AGBL4: variants seen among roughly 807,000 people sequenced by gnomAD.
The protein encoded by AGBL4 is AGBL carboxypeptidase 4, also known as cytosolic carboxypeptidase 6.
A neutral mutation model predicts 66.4 loss-of-function variants in AGBL4; 58 were observed. The ratio of observed to expected loss-of-function variants is 0.87; its 90% CI spans 0.71 to 1.09. The LOEUF is 1.09. AGBL4 is among the 50% of genes least tolerant of loss of function. The pLI is 0.00. For missense variants in AGBL4, 579 were observed against 631.0 expected (o/e 0.92, Z 0.88); for synonymous variants, 234 against 222.9 (o/e 1.05, Z -0.44).
chr1:49,690,630 T>G (rs1160266700), intron 3 of AGBL4, among the ~76,000 whole-genome samples: 2 of 152,182 alleles, frequency 1.3e-5, no homozygotes, highest in East Asian at 3.8e-4. Flanking sequence ...ATGAATGAAT[T>G]AATATAAAGG....
At chr1:49,274,563 C>A (rs527312714) in intron 3 of AGBL4, among the ~76,000 whole-genome samples, 2 of 152,164 alleles carry the variant, frequency 1.3e-5, no homozygotes, top group African/African-American at 4.8e-5. Context: ...CTTTTTAAAT[C>A]CACAGACAAA....
chr1:49,102,361 T>C (rs1322418759), intron 4 of AGBL4, among the ~76,000 whole-genome samples: 1 of 152,082 alleles, frequency 6.6e-6, no homozygotes, highest in Non-Finnish European at 1.5e-5. Flanking sequence ...AAAGGGGTGG[T>C]TTAGTTATGG....
chr1:49,203,666 T>C (rs1647899742), intron 4 of AGBL4, among the ~76,000 whole-genome samples: 1 of 152,160 alleles, frequency 6.6e-6, no homozygotes, highest in Non-Finnish European at 1.5e-5. Context: ...TGGCTGGGCA[T>C]GGTGGCCCAT....
intron 4 of AGBL4, among the ~76,000 whole-genome samples, chr1:49,173,193 G>T (rs1457606391): frequency 1.3e-5 from 2 of 152,048 alleles, no homozygotes; most frequent in African/African-American, 4.8e-5. Flanking sequence ...TCTTAAGACA[G>T]AAAGGAAAAA....
At chr1:48,637,414 T>C (rs971967121) in intron 8 of AGBL4, among the ~76,000 whole-genome samples, 1 of 152,122 alleles carries the variant, frequency 6.6e-6, no homozygotes, top group African/African-American at 2.4e-5. Context: ...TGTTACTAGA[T>C]GGGGGGTTGA....
intron 5 of AGBL4, among the ~76,000 whole-genome samples, chr1:48,941,994 C>A (rs1288008577): frequency 1.3e-5 from 2 of 152,212 alleles, no homozygotes; most frequent in Non-Finnish European, 2.9e-5. Context: ...CTTGCCCGTG[C>A]AAACCATGGG....
intron 5 of AGBL4, among the ~76,000 whole-genome samples, chr1:48,957,642 A>G (rs1179130429): frequency 6.6e-6 from 1 of 152,190 alleles, no homozygotes; most frequent in Non-Finnish European, 1.5e-5. Context: ...AGGCTGTCCC[A>G]CAGCTGCTTC....
rs12041791 is a variant in AGBL4, at chr1:49,266,678, T to C, written c.283-20814A>G. On this transcript the variant is annotated intron_variant, in intron 3 of 13. Transcript: ENST00000371839. ...GCCTAAGGGAAGGAGAGGTGAATTT[T>C]TGCTGAGGAATAAGGACTGGCCAGG... Among the ~76,000 whole-genome samples the C allele has an allele frequency of 7.9e-3, 1,199 of 151,874 alleles. 9 individuals are homozygous for C. Among genetic ancestry groups the C allele is most frequent in the Middle Eastern group, 0.027 (8 of 292 alleles).
chr1:49,285,575 T>C (rs1486075344), intron 3 of AGBL4, among the ~76,000 whole-genome samples: 3 of 151,978 alleles, frequency 2.0e-5, no homozygotes, highest in Admixed American at 6.6e-5. Context: ...AATTAATGAA[T>C]CCAGGAGCTG....
At chr1:49,017,022 C>A (rs1925426) in intron 5 of AGBL4, among the ~76,000 whole-genome samples, 1 of 152,164 alleles carries the variant, frequency 6.6e-6, no homozygotes, top group Non-Finnish European at 1.5e-5. Flanking sequence ...TACACTGCCC[C>A]TTTAATGAAA....
chr1:49,071,155 T>C (rs945397634), intron 4 of AGBL4, among the ~76,000 whole-genome samples: 9 of 151,974 alleles, frequency 5.9e-5, no homozygotes, highest in African/African-American at 2.2e-4. Context: ...TTAGTCTGGC[T>C]TGTGGCCTAT....
chr1:49,282,678 C>T (rs1266127302), intron 3 of AGBL4, among the ~76,000 whole-genome samples: 2 of 152,166 alleles, frequency 1.3e-5, no homozygotes, highest in African/African-American at 4.8e-5. Flanking sequence ...CGTGCGCGAG[C>T]CAAAGCAGGG....
chr1:48,627,656 A>T (rs1210355064), intron 9 of AGBL4, among the ~76,000 whole-genome samples: 1 of 152,084 alleles, frequency 6.6e-6, no homozygotes, highest in Non-Finnish European at 1.5e-5. Context: ...ATGGCAGCTA[A>T]TTTTCCTTAA....
chr1:48,843,206 TA>T lies in AGBL4; in HGVS notation c.634+23984del, dbSNP rs113729403. 2.6e-3 allele frequency among the ~76,000 whole-genome samples: 388 copies of T among 152,116 alleles called. 1 individual carries two copies. Among genetic ancestry groups the T allele is most frequent in the African/African-American group, 8.0e-3 (331 of 41,534 alleles). On this transcript the variant is annotated intron_variant, in intron 6 of 13. Coordinates refer to ENST00000371839, the MANE Select transcript of AGBL4 (RefSeq NM_032785.4). ...CATTGTCCAGGGCAGGGGTACCTTA[TA>T]AAAAAAATTTATATGTGTAATAAAA...
At chr1:49,149,851 A>G (rs1325279170) in intron 4 of AGBL4, among the ~76,000 whole-genome samples, 4 of 152,218 alleles carry the variant, frequency 2.6e-5, no homozygotes, top group Non-Finnish European at 5.9e-5. Flanking sequence ...CTTTTTCTGC[A>G]TGTGGGAGAT....
At chr1:49,848,645 T>C (rs1479648389) in intron 2 of AGBL4, among the ~76,000 whole-genome samples, 2 of 152,128 alleles carry the variant, frequency 1.3e-5, no homozygotes, top group South Asian at 2.1e-4. Flanking sequence ...AATAGCCCCT[T>C]GAGACTCAGA....
intron 1 of AGBL4, among the ~76,000 whole-genome samples, chr1:49,856,793 A>T (rs956142328): frequency 1.3e-5 from 2 of 152,074 alleles, no homozygotes; most frequent in African/African-American, 4.8e-5. Context: ...GAAAAATCTC[A>T]AAGTATTTCC....
At chr1:49,190,972 T>C (rs565818724) in intron 4 of AGBL4, among the ~76,000 whole-genome samples, 3 of 152,184 alleles carry the variant, frequency 2.0e-5, no homozygotes, top group Non-Finnish European at 2.9e-5. Flanking sequence ...ACTGGAAATA[T>C]CCATAAAGGG....
intron 8 of AGBL4, among the ~76,000 whole-genome samples, chr1:48,651,359 G>A (rs1645927330): frequency 6.6e-6 from 1 of 152,132 alleles, no homozygotes; most frequent in South Asian, 2.1e-4. Context: ...TGAGAGGGGA[G>A]GCATTTTGGC....
Sources: gnomAD v4.1 joint callset for allele counts (sites outside exome capture counted in the v4.1 genomes callset) on GRCh38, gnomAD v4.1.1 for gene constraint, MANE v1.5 for transcripts, NCBI Gene and HGNC (gene_info 2026-07-23, HGNC 2026-07-21) for gene names.